NBPF14: variants seen among roughly 807,000 people sequenced by gnomAD.
The protein encoded by NBPF14 is NBPF member 14.
NBPF14 carries 104 observed loss-of-function variants against 91.2 expected under a neutral mutation model. The observed-to-expected ratio is 1.14, with a 90% CI of 0.97 to 1.34. The LOEUF (loss-of-function observed/expected upper bound fraction) is 1.34. NBPF14 is among the 40% of genes most tolerant of loss of function. The pLI is 0.00. For synonymous variants in NBPF14, 294 were observed against 303.8 expected (o/e 0.97, Z 0.34); for missense variants, 908 against 783.0 (o/e 1.16, Z -1.91).
At position 148,592,666 on chromosome 1, in the gene NBPF14, G is replaced by C; in HGVS notation, c.379C>G (p.Leu127Val). The C allele has an allele frequency of 5.0e-6, 8 of 1,588,258 alleles. 1 individual carries two copies. The highest frequency in any genetic ancestry group is 6.9e-6 in the Non-Finnish European group (8 of 1,161,766). The stretch of plus-strand genomic sequence containing the variant: ...TCATACGGAGTGAGGAGGGCCTGGA[G>C]ATGCTCATACAATGAGCGGGAGGCA... The change falls in exon 4 of 71, where the codon CTC becomes GTC. Residue 127 changes from leucine to valine, a missense_variant. By Grantham distance (32) the Leu-to-Val change is conservative. This residue lies in a region of NBPF14 where 61 missense variants were observed against 56.4 expected (regional missense o/e 1.08). Transcript: ENST00000619423.
At chr1:148,595,177 G>C (rs1158210173) in intron 2 of NBPF14, among the ~76,000 whole-genome samples, 2 of 146,794 alleles carry the variant, frequency 1.4e-5, no homozygotes, top group East Asian at 3.9e-4. Context: ...AAGTTCACTA[G>C]TCCTAGACAT....
In NBPF14 at chr1:148,589,755, C is replaced by T. The variant is rs1388193257; in HGVS notation, c.779-362G>A. On this transcript the variant is annotated intron_variant, in intron 6 of 70. Coordinates refer to ENST00000619423, the Ensembl canonical transcript of NBPF14. ...TTGGTTTTTTGTTTTTTGTTTGAGA[C>T]GGAGTCTCACTCTGTCACGCAGGCT... Among the ~76,000 whole-genome samples the T allele has an allele frequency of 5.5e-5, 8 of 144,566 alleles. 1 individual carries two copies. Among genetic ancestry groups the T allele is most frequent in the Non-Finnish European group, 7.7e-5 (5 of 64,888 alleles). The allele number at this position is 144,566 out of a possible 152,430, so 94.8% of individuals were successfully genotyped here.
chr1:148,560,169 C>T (rs1189447425), intron 36 of NBPF14, among the ~76,000 whole-genome samples: 1 of 150,048 alleles, frequency 6.7e-6, no homozygotes, highest in East Asian at 2.0e-4. Context: ...GAGAGAGAGA[C>T]AGAGACAGAG....
rs1316370454 is a variant in NBPF14, at chr1:148,593,527, C to G, written c.278+71G>C. ...CTGGCCCAGCTTCGTTCTTACTTCT[C>G]CCCGCCGAGCTGCTGTACTTCAGAG... On this transcript the variant is annotated intron_variant, in intron 3 of 70. Transcript: ENST00000619423. The G allele has an allele frequency of 2.7e-6, 3 of 1,112,800 alleles. No homozygotes were observed. The African/African-American group carries it at 4.9e-5, about 18-fold the overall frequency. 68.9% of individuals were successfully genotyped at this position (1,112,800 alleles called of 1,614,324 possible).
chr1:148,542,011 T>A (rs1363000905), intron 59 of NBPF14, among the ~76,000 whole-genome samples, 172 bp from the exon 60 acceptor site: 3 of 41,324 alleles, frequency 7.3e-5, no homozygotes, highest in African/African-American at 3.7e-4. Context: ...AATTCCTCGG[T>A]TTTTCTCCCA....
At chr1:148,589,868 G>T (rs1441230339) in intron 6 of NBPF14, among the ~76,000 whole-genome samples, 1 of 147,810 alleles carries the variant, frequency 6.8e-6, no homozygotes, top group East Asian at 1.9e-4. Context: ...AAGCATCTGG[G>T]ATTACAAGCG....
intron 69 of NBPF14, among the ~76,000 whole-genome samples, 172 bp downstream of exon 69, chr1:148,534,512 C>T (rs1363920181): frequency 6.6e-6 from 1 of 151,794 alleles, no homozygotes; most frequent in Non-Finnish European, 1.5e-5. Flanking sequence ...TGACCCATTT[C>T]ATGTCTAGGC....
In NBPF14 at chr1:148,557,104, C is replaced by A. The variant is rs1197039477; in HGVS notation, c.5007-242G>T. 8.3e-3 allele frequency among the ~76,000 whole-genome samples: 954 copies of A among 114,874 alleles called. 1 individual carries two copies. The highest frequency in any genetic ancestry group is 0.012 in the Middle Eastern group (3 of 252). 75.4% of individuals were successfully genotyped at this position (114,874 alleles called of 152,430 possible). On this transcript the variant is annotated intron_variant, in intron 40 of 70. Coordinates refer to ENST00000619423, the Ensembl canonical transcript of NBPF14. Reference sequence around the variant, plus strand: ...CACACACACAGAGAGAGAGAGAGAACGAGCTCAGTGAATTGTCCAGGTGAC... The same window carrying A: ...CACACACACAGAGAGAGAGAGAGAAAGAGCTCAGTGAATTGTCCAGGTGAC...
At position 148,572,629 on chromosome 1, in the gene NBPF14, A is replaced by T. The variant is rs1426957596; in HGVS notation, c.2586-14T>A. On this transcript the variant is annotated splice_polypyrimidine_tract_variant and intron_variant, in intron 20 of 70. Coordinates refer to ENST00000619423, the Ensembl canonical transcript of NBPF14. ...TCCCTGCTGAGCCTGGAAAAGTGGG[A>T]AAAAGTAAAGAATAAGCCAGGGGGA... is the stretch of plus-strand genomic sequence containing the variant. 2,635 of 583,766 alleles carry T rather than the reference A, an allele frequency of 4.5e-3. 378 individuals carry two copies. The highest frequency in any genetic ancestry group is 0.016 in the Middle Eastern group (35 of 2,230). 36.2% of individuals were successfully genotyped at this position (583,766 alleles called of 1,614,324 possible). A position where few individuals can be genotyped will look rare whatever the true frequency, so the allele number is the denominator to read the frequency against.
At chr1:148,590,410 G>C (rs1416576512) in intron 6 of NBPF14, among the ~76,000 whole-genome samples, 1 of 133,828 alleles carries the variant, frequency 7.5e-6, no homozygotes, top group Non-Finnish European at 1.7e-5. Context: ...AGTCTAGCCT[G>C]ACAGAAGTGA....
At chr1:148,594,089 G>A (rs1272605431) in intron 2 of NBPF14, among the ~76,000 whole-genome samples, 3 of 146,884 alleles carry the variant, frequency 2.0e-5, no homozygotes, top group Non-Finnish European at 4.5e-5. Flanking sequence ...AAGGCCCCTA[G>A]GACTATGGGA....
At chr1:148,559,684 C>G in intron 37 of NBPF14, 109 bp downstream of exon 37, 2 of 674,164 alleles carry the variant, frequency 3.0e-6, no homozygotes, top group Non-Finnish European at 5.1e-6. Context: ...TATAGGTCCT[C>G]CCTGTGGCAA....
chr1:148,557,186 T>C (rs1656760772), intron 40 of NBPF14, among the ~76,000 whole-genome samples: 1 of 88,140 alleles, frequency 1.1e-5, no homozygotes, highest in Non-Finnish European at 2.0e-5. Context: ...ACACACAGCA[T>C]ACAGGGATCA....
At chr1:148,566,477 G>A (rs1484884197) in intron 28 of NBPF14, among the ~76,000 whole-genome samples, 162 bp from the exon 29 acceptor site, 3 of 141,068 alleles carry the variant, frequency 2.1e-5, no homozygotes, top group Non-Finnish European at 3.1e-5. Context: ...ACAGAACAGG[G>A]CCAAATGGAA....
chr1:148,587,440 C>T lies in NBPF14; in HGVS notation c.989-37G>A, dbSNP rs1246565306. 12 of 1,545,368 alleles carry T rather than the reference C, an allele frequency of 7.8e-6. 1 individual carries two copies. In the East Asian group the frequency reaches 1.8e-4, roughly 23 times the overall value. On this transcript the variant is annotated intron_variant, in intron 7 of 70. Transcript: ENST00000619423. Reference sequence around the variant, plus strand: ...CAGACACACCTACCTCAGTGGAAGGCTGGACATGCTGCTGTGGTCATTGCC... The same window carrying T: ...CAGACACACCTACCTCAGTGGAAGGTTGGACATGCTGCTGTGGTCATTGCC...
At chr1:148,534,800 T>C in exon 69 of NBPF14, 1 of 962,404 alleles carries the variant, frequency 1.0e-6, no homozygotes, top group Non-Finnish European at 1.7e-6. Context: ...ATAACATCTA[T>C]CCAGTGAGTC....
At chr1:148,590,075 G>C (rs1347608677) in intron 6 of NBPF14, among the ~76,000 whole-genome samples, 2 of 119,194 alleles carry the variant, frequency 1.7e-5, no homozygotes, top group Non-Finnish European at 3.5e-5. Context: ...TTGAGATGGA[G>C]TCTCGCTCTG....
rs1178205097 is a variant in NBPF14, at chr1:148,560,231, A to T, written c.4557-266T>A. On this transcript the variant is annotated intron_variant, in intron 36 of 70. Transcript: ENST00000619423. ...ACCTAGTGAATTGGCCAGGTGACAT[A>T]CTGGTAAGGGAGTCAAAGGACACTC... Among the ~76,000 whole-genome samples, 4 of 150,718 alleles carry T rather than the reference A, an allele frequency of 2.7e-5. No individual in the cohort carries two copies. The South Asian group carries it at 6.3e-4, about 24-fold the overall frequency.
chr1:148,533,735 A>G (rs1553331706), intron 70 of NBPF14, 126 bp downstream of exon 70: 2 of 746,330 alleles, frequency 2.7e-6, no homozygotes, highest in Non-Finnish European at 4.8e-6. Flanking sequence ...GAAAACCAAC[A>G]GCAATGACAG....
Sources: gnomAD v4.1 joint callset for allele counts (sites outside exome capture counted in the v4.1 genomes callset) on GRCh38, gnomAD v4.1.1 for gene constraint, gnomAD v4.1.1 regional missense constraint, MANE v1.5 for transcripts, NCBI Gene and HGNC (gene_info 2026-07-23, HGNC 2026-07-21) for gene names.